PAPSS1: variants seen among roughly 807,000 people sequenced by gnomAD.
PAPSS1 encodes the protein bifunctional 3'-phosphoadenosine 5'-phosphosulfate synthase 1.
In PAPSS1, 50 loss-of-function variants were observed where a neutral mutation model predicts 72.0. The ratio of observed to expected loss-of-function variants is 0.69; its 90% CI spans 0.55 to 0.88. The LOEUF is 0.88. PAPSS1 is among the 40% of genes least tolerant of loss of function. PAPSS1 has a pLI of 0.00. For missense variants in PAPSS1, 657 were observed against 782.2 expected (o/e 0.84, Z 1.91); for synonymous variants, 261 against 263.6 (o/e 0.99, Z 0.09).
chr4:107,621,928 GGAAGACAGGTTTTTCAGA>G (rs1054051359), intron 11 of PAPSS1, among the ~76,000 whole-genome samples: 3 of 151,762 alleles, frequency 2.0e-5, no homozygotes, highest in African/African-American at 7.3e-5. Context: ...GCGCCCAGCC[GGAAGACAGGTTTTTCAGA>G]GTGAGCACAA....
chr4:107,692,560 T>C (rs1177488091), intron 3 of PAPSS1, among the ~76,000 whole-genome samples: 4 of 152,166 alleles, frequency 2.6e-5, no homozygotes, highest in African/African-American at 7.2e-5. Context: ...GTTCAACCAT[T>C]GTGGAAGACA....
chr4:107,639,825 G>A (rs1293005383), intron 10 of PAPSS1, among the ~76,000 whole-genome samples: 1 of 152,154 alleles, frequency 6.6e-6, no homozygotes, highest in East Asian at 1.9e-4. Context: ...AGATACTGGT[G>A]TAAAGCACAG....
chr4:107,619,104 T>C (rs192929115), intron 11 of PAPSS1, among the ~76,000 whole-genome samples: 12 of 152,330 alleles, frequency 7.9e-5, no homozygotes, highest in Admixed American at 5.9e-4. Context: ...AAGTGCTTGT[T>C]GTTGAAGGCA....
chr4:107,718,974 A>T (rs1406675684), intron 1 of PAPSS1, among the ~76,000 whole-genome samples: 1 of 152,244 alleles, frequency 6.6e-6, no homozygotes, highest in Non-Finnish European at 1.5e-5. Context: ...TCAAGATCAC[A>T]CAGCTAGTAA....
At chr4:107,627,174 C>T (rs547853218) in intron 11 of PAPSS1, among the ~76,000 whole-genome samples, 1 of 152,256 alleles carries the variant, frequency 6.6e-6, no homozygotes, top group African/African-American at 2.4e-5. Flanking sequence ...GCAAAGAGAC[C>T]ACAGTAATGA....
intron 4 of PAPSS1, among the ~76,000 whole-genome samples, chr4:107,686,836 A>C (rs1362150766): frequency 2.0e-5 from 3 of 152,212 alleles, no homozygotes; most frequent in African/African-American, 7.2e-5. Context: ...ACAGGATTCC[A>C]AAAGGATCAA....
At chr4:107,621,722 G>A (rs1052495609) in intron 11 of PAPSS1, among the ~76,000 whole-genome samples, 10 of 137,528 alleles carry the variant, frequency 7.3e-5, no homozygotes, top group South Asian at 5.0e-4. Context: ...CCAGGTTCAC[G>A]CCATTCTCCT....
At chr4:107,650,415 AG>A (rs144809840) in intron 9 of PAPSS1, among the ~76,000 whole-genome samples, 36,709 of 152,192 alleles carry the variant, frequency 0.24, 5,034 homozygotes, top group Middle Eastern at 0.34. Context: ...TGGCTCACAA[AG>A]AAGAGTGAAA....
intron 1 of PAPSS1, among the ~76,000 whole-genome samples, chr4:107,708,971 T>C (rs904400378): frequency 6.6e-6 from 1 of 152,240 alleles, no homozygotes; most frequent in African/African-American, 2.4e-5. Flanking sequence ...AGTCAAATGC[T>C]GAGCTATAAC....
intron 10 of PAPSS1, among the ~76,000 whole-genome samples, chr4:107,636,924 T>C (rs1005103349): frequency 3.3e-5 from 5 of 152,324 alleles, no homozygotes; most frequent in South Asian, 2.1e-4. Context: ...TTAATCTCCA[T>C]AGTGTGAGTC....
chr4:107,652,063 T>C (rs573202268), intron 9 of PAPSS1, among the ~76,000 whole-genome samples: 13 of 152,304 alleles, frequency 8.5e-5, no homozygotes, highest in African/African-American at 3.1e-4. Flanking sequence ...TCTTTCCCAG[T>C]TGTTCTGTAG....
At chr4:107,702,044 A>G (rs2125937169) in intron 1 of PAPSS1, among the ~76,000 whole-genome samples, 1 of 152,300 alleles carries the variant, frequency 6.6e-6, no homozygotes, top group South Asian at 2.1e-4. Flanking sequence ...CCTCCAAAGA[A>G]AACATACAAA....
intron 5 of PAPSS1, among the ~76,000 whole-genome samples, chr4:107,661,952 T>C (rs1037144155): frequency 6.6e-6 from 1 of 152,196 alleles, no homozygotes; most frequent in South Asian, 2.1e-4. Context: ...ACACACCCTG[T>C]TTCCTCAAAG....
At chr4:107,677,582 T>C (rs1172807303) in intron 5 of PAPSS1, among the ~76,000 whole-genome samples, 1 of 152,222 alleles carries the variant, frequency 6.6e-6, no homozygotes, top group African/African-American at 2.4e-5. Flanking sequence ...TTTTACACTG[T>C]TGGTGGGACT....
rs745664661 is a variant in PAPSS1, at chr4:107,693,843, G to A, written c.339C>T (p.Ile113=). Residue 113 remains isoleucine, a synonymous_variant, in exon 3 of 12, where the codon ATC becomes ATT. Transcript: ENST00000265174. ...CTGCAAACAGTTTAGCAACTTCTGCGATGCGTCGAACATTCTCTTCTCTGT... is the reference window on the plus strand; with the variant it reads ...CTGCAAACAGTTTAGCAACTTCTGCAATGCGTCGAACATTCTCTTCTCTGT... The part of the protein sequence containing the change: ...PEDREENVRR[I]AEVAKLFADA... The A allele has an allele frequency of 1.7e-5, 28 of 1,613,770 alleles. No individual in the cohort carries two copies. Among genetic ancestry groups the A allele is most frequent in the Middle Eastern group, 1.6e-4 (1 of 6,078 alleles).
At chr4:107,633,916 C>CT in intron 10 of PAPSS1, among the ~76,000 whole-genome samples, 1 of 89,784 alleles carries the variant, frequency 1.1e-5, no homozygotes, top group African/African-American at 3.8e-5. Flanking sequence ...GAGACTCCGT[C>CT]TCAAAAAAAA....
intron 10 of PAPSS1, among the ~76,000 whole-genome samples, chr4:107,632,236 A>T (rs1726242338): frequency 6.6e-6 from 1 of 152,134 alleles, no homozygotes; most frequent in Non-Finnish European, 1.5e-5. Context: ...TGATCCCTGG[A>T]GGGAGGCAAC....
chr4:107,664,577 G>A (rs1727266757), intron 5 of PAPSS1, among the ~76,000 whole-genome samples: 1 of 152,082 alleles, frequency 6.6e-6, no homozygotes, highest in Admixed American at 6.6e-5. Flanking sequence ...TTCCTCTGAA[G>A]AGATGGTCCA....
At chr4:107,688,580 C>T (rs1722845056) in intron 3 of PAPSS1, among the ~76,000 whole-genome samples, 1 of 152,114 alleles carries the variant, frequency 6.6e-6, no homozygotes, top group Admixed American at 6.6e-5. Context: ...CCTATGGATG[C>T]CTATAATGTT....
Sources: gnomAD v4.1 joint callset for allele counts (sites outside exome capture counted in the v4.1 genomes callset) on GRCh38, gnomAD v4.1.1 for gene constraint, MANE v1.5 for transcripts, NCBI Gene and HGNC (gene_info 2026-07-23, HGNC 2026-07-21) for gene names.